Variants in DISC1 observed in about 807,000 individuals in gnomAD.
DISC1 encodes the protein disrupted in schizophrenia 1 protein.
DISC1 carries 57 observed loss-of-function variants against 84.5 expected under a neutral mutation model. The observed-to-expected ratio is 0.67, with a 90% CI of 0.55 to 0.84. DISC1 has a LOEUF of 0.84. Ranked by LOEUF, DISC1 falls within the 40% of genes least tolerant of loss-of-function variation. DISC1 has a pLI of 0.00. For missense variants in DISC1, 1,000 were observed against 1,057.8 expected, an observed-to-expected ratio of 0.95 and a Z score of 0.76; for synonymous variants, 411 against 415.2, an observed-to-expected ratio of 0.99 and a Z score of 0.12.
At chr1:231,635,533 ACTT>A (rs1276796832) in intron 1 of DISC1, among the ~76,000 whole-genome samples, 1 of 152,150 alleles carries the variant, frequency 6.6e-6, no homozygotes, top group African/African-American at 2.4e-5. Context: ...TCCAATGTAG[ACTT>A]CTTCAACTCA....
At chr1:231,662,952 A>G (rs1186468673) in intron 1 of DISC1, among the ~76,000 whole-genome samples, 1 of 152,196 alleles carries the variant, frequency 6.6e-6, no homozygotes, top group Non-Finnish European at 1.5e-5. Flanking sequence ...AAGTCCTTCC[A>G]TATTAGTAAT....
intron 12 of DISC1, among the ~76,000 whole-genome samples, chr1:232,033,048 T>C (rs747292121): frequency 6.6e-6 from 1 of 152,176 alleles, no homozygotes; most frequent in East Asian, 1.9e-4. Flanking sequence ...GCCAGACTTA[T>C]ATCTGTTTTC....
Position 232,031,421 on chromosome 1 carries a change from C to T in DISC1, c.2425+4869C>T, listed in dbSNP as rs912384131. 7.8e-6 allele frequency among the ~76,000 whole-genome samples: 1 copy of T among 127,472 alleles called. No individual in the cohort carries two copies. Among genetic ancestry groups the T allele is most frequent in the African/African-American group, 3.1e-5 (1 of 32,486 alleles). The allele number at this position is 127,472 out of a possible 152,430, so 83.6% of individuals were successfully genotyped here. A position where few individuals can be genotyped will look rare whatever the true frequency, so the allele number is the denominator to read the frequency against. Reference sequence around the variant, plus strand: ...AGGGAAGAAGGGAAGGGAGAAGAGACAAGGGAAAGGAGAAGGGAAAAGGGA... The same window carrying T: ...AGGGAAGAAGGGAAGGGAGAAGAGATAAGGGAAAGGAGAAGGGAAAAGGGA... On this transcript the variant is annotated intron_variant, in intron 12 of 12. Coordinates refer to ENST00000439617, the MANE Select transcript of DISC1 (RefSeq NM_018662.3). The surrounding 1 kb of genome is among the most constrained non-coding windows in gnomAD (Gnocchi z 4.6).
At chr1:231,940,875 C>T (rs1272212740) in intron 9 of DISC1, 1 of 152,264 alleles carries the variant, frequency 6.6e-6, no homozygotes, top group Non-Finnish European at 1.5e-5. Flanking sequence ...CTGTGGCCAG[C>T]TTGCGGGTGC....
intron 1 of DISC1, among the ~76,000 whole-genome samples, chr1:231,652,210 G>A (rs1403611500): frequency 6.6e-6 from 1 of 152,152 alleles, no homozygotes; most frequent in Non-Finnish European, 1.5e-5. Flanking sequence ...TTCCTATTTG[G>A]CCATCTTGGA....
intron 3 of DISC1, among the ~76,000 whole-genome samples, chr1:231,720,086 C>T (rs200033216): frequency 2.6e-5 from 4 of 152,120 alleles, no homozygotes; most frequent in South Asian, 2.1e-4. Context: ...TGCTACCGAG[C>T]GTGGCAACTT....
rs2087828095 is a variant in DISC1, at chr1:231,897,858, A to T, written c.1982-60970A>T. On this transcript the variant is annotated intron_variant, in intron 9 of 12. Coordinates refer to ENST00000439617, the MANE Select transcript of DISC1 (RefSeq NM_018662.3). The surrounding 1 kb of genome is among the most constrained non-coding windows in gnomAD (Gnocchi z 4.5). Reference sequence around the variant, plus strand: ...AAAATCAGAGAAAATCTAGCTTCAAAACTCAAGTGCTAAAACACCAAAATA... The same window carrying T: ...AAAATCAGAGAAAATCTAGCTTCAATACTCAAGTGCTAAAACACCAAAATA... Among the ~76,000 whole-genome samples, 1 of 152,202 alleles carries T rather than the reference A, an allele frequency of 6.6e-6. No individual in the cohort carries two copies.
intron 9 of DISC1, among the ~76,000 whole-genome samples, chr1:231,822,154 G>C (rs2081546447): frequency 6.6e-6 from 1 of 152,136 alleles, no homozygotes; most frequent in South Asian, 2.1e-4. Context: ...ACGTCAAGGG[G>C]AGAGATTTAA....
intron 1 of DISC1, among the ~76,000 whole-genome samples, chr1:231,657,446 A>C (rs191543584): frequency 6.6e-6 from 1 of 151,890 alleles, no homozygotes; most frequent in Admixed American, 6.6e-5. Flanking sequence ...AAAGTGTCTG[A>C]TGATAGTTTC....
intron 4 of DISC1, among the ~76,000 whole-genome samples, chr1:231,763,805 T>C (rs890141221): frequency 2.0e-5 from 3 of 152,220 alleles, no homozygotes; most frequent in East Asian, 1.9e-4. Context: ...TCCTGCTCCA[T>C]GGAAGAACCA....
At chr1:231,829,949 T>A (rs963221841) in intron 9 of DISC1, among the ~76,000 whole-genome samples, 4 of 152,266 alleles carry the variant, frequency 2.6e-5, no homozygotes, top group South Asian at 2.1e-4. Flanking sequence ...TAATGTCATC[T>A]GTTAAGGCAG....
intron 1 of DISC1, among the ~76,000 whole-genome samples, chr1:231,653,310 G>C (rs2060791434): frequency 6.6e-6 from 1 of 152,176 alleles, no homozygotes; most frequent in Non-Finnish European, 1.5e-5. Context: ...GTTACCTTGA[G>C]GTACCAGGCT....
chr1:232,006,541 T>C (rs1667465791), intron 10 of DISC1, among the ~76,000 whole-genome samples: 1 of 152,098 alleles, frequency 6.6e-6, no homozygotes. Flanking sequence ...GGAAGAAATG[T>C]CTAAGCAGCA....
intron 11 of DISC1, among the ~76,000 whole-genome samples, chr1:232,014,681 C>A (rs1329293532): frequency 1.3e-5 from 2 of 152,198 alleles, no homozygotes; most frequent in African/African-American, 4.8e-5. Context: ...GTTTGTAGAG[C>A]CTGCTGATTG....
At chr1:231,656,381 G>A (rs1023200694) in intron 1 of DISC1, among the ~76,000 whole-genome samples, 5 of 152,072 alleles carry the variant, frequency 3.3e-5, no homozygotes, top group African/African-American at 9.7e-5. Flanking sequence ...CTTTGTTGAC[G>A]ATCAGTTGGT....
intron 9 of DISC1, among the ~76,000 whole-genome samples, chr1:231,901,884 T>G (rs1434997296): frequency 1.3e-5 from 2 of 152,194 alleles, no homozygotes; most frequent in African/African-American, 4.8e-5. Flanking sequence ...TTATCCTGAA[T>G]TCTGATTCTA....
At chr1:231,859,560 C>T (rs919824644) in intron 9 of DISC1, among the ~76,000 whole-genome samples, 2 of 39,504 alleles carry the variant, frequency 5.1e-5, no homozygotes, top group Non-Finnish European at 4.4e-5. Flanking sequence ...CATCTTAATA[C>T]CATCACTTTG....
chr1:231,753,107 G>C (rs796639915), intron 4 of DISC1, among the ~76,000 whole-genome samples: 2 of 152,172 alleles, frequency 1.3e-5, no homozygotes, highest in African/African-American at 2.4e-5. Context: ...GCTATTCCAG[G>C]GTCTGCAGGA....
chr1:231,762,198 CT>C lies in DISC1; in HGVS notation c.1269-4938del, dbSNP rs374763291. 2.1e-3 allele frequency among the ~76,000 whole-genome samples: 40 copies of C among 18,646 alleles called. 1 individual carries two copies. Among genetic ancestry groups the C allele is most frequent in the East Asian group, 0.01 (9 of 872 alleles). The allele number at this position is 18,646 out of a possible 152,430, so 12.2% of individuals were successfully genotyped here. On this transcript the variant is annotated intron_variant, in intron 4 of 12. Coordinates refer to ENST00000439617, the MANE Select transcript of DISC1 (RefSeq NM_018662.3). ...CTTCCTTCCTTCTTTTCTTTCTTTTCTTTTCTTTTCTTTTCTCTTCTTTTCT... is the reference window on the plus strand; with the variant it reads ...CTTCCTTCCTTCTTTTCTTTCTTTTCTTTCTTTTCTTTTCTCTTCTTTTCT...
Sources: gnomAD v4.1 joint callset for allele counts (sites outside exome capture counted in the v4.1 genomes callset) on GRCh38, gnomAD v4.1.1 for gene constraint, Gnocchi (gnomAD v3.1) non-coding constraint, MANE v1.5 for transcripts, NCBI Gene and HGNC (gene_info 2026-07-23, HGNC 2026-07-21) for gene names.